Variants in RHO observed in about 807,000 individuals in gnomAD.
RHO encodes the protein opsin 2, rod pigment.
A neutral mutation model predicts 31.2 loss-of-function variants in RHO; 21 were observed. That is an observed-to-expected ratio of 0.67 (90% CI 0.48 to 0.97). The LOEUF (loss-of-function observed/expected upper bound fraction) is 0.97, where lower values mean the gene tolerates loss of function less well. Ranked by LOEUF, RHO falls within the 50% of genes least tolerant of loss-of-function variation. RHO has a pLI of 0.00. For synonymous variants in RHO, 211 were observed against 196.6 expected (o/e 1.07, Z -0.61); for missense variants, 414 against 479.5 (o/e 0.86, Z 1.28).
Position 129,532,666 on chromosome 3 carries a change from C to T in RHO, c.830C>T (p.Thr277Ile). 6.2e-7 allele frequency: 1 copy of T among 1,614,262 alleles called. No individual in the cohort carries two copies. The highest frequency in any genetic ancestry group is 8.5e-7 in the Non-Finnish European group (1 of 1,180,050). Residue 277 changes from threonine (T) to isoleucine (I), a missense_variant, in exon 4 of 5, where the codon ACC (threonine) becomes ATC (isoleucine). By Grantham distance (89) the Thr-to-Ile change is moderately conservative (BLOSUM62 -1). Transcript: ENST00000296271. This position sits in a 1 kb window ranked among gnomAD's most constrained non-coding sequence, Gnocchi z 5.5. The part of the protein sequence containing the change: ...PYASVAFYIF[T>I]HQGSNFGPIF... ...GCCAGCGTGGCATTCTACATCTTCA[C>T]CCACCAGGGCTCCAACTTCGGTCCC...
chr3:129,530,533 A>ACACACACACACACAC (rs1553781099), intron 1 of RHO, among the ~76,000 whole-genome samples: 21 of 122,918 alleles, frequency 1.7e-4, no homozygotes, highest in East Asian at 1.5e-3. Context: ...ACACACACAC[A>ACACACACACACACAC]ACACACACAC....
Position 129,533,621 on chromosome 3 carries a change from T to A in RHO, c.950T>A (p.Met317Lys), listed in dbSNP as rs778536018. 2 of 1,613,960 alleles carry A rather than the reference T, an allele frequency of 1.2e-6. No homozygotes were observed. Residue 317 changes from methionine to lysine, a missense_variant, in exon 5 of 5, where the codon ATG becomes AAG. Physicochemically the swap from Met to Lys is moderately conservative, Grantham distance 95. Transcript: ENST00000296271. The stretch of plus-strand genomic sequence containing the variant: ...CTTGCCTTCCAGTTCCGGAACTGCA[T>A]GCTCACCACCATCTGCTGCGGCAAG... ...IMMNKQFRNCMLTTICCGKNP... is the reference protein window; with the variant it reads ...IMMNKQFRNCKLTTICCGKNP...
At chr3:129,530,385 G>A (rs1186791085) in intron 1 of RHO, among the ~76,000 whole-genome samples, 2 of 151,886 alleles carry the variant, frequency 1.3e-5, no homozygotes, top group Non-Finnish European at 2.9e-5. Context: ...CCACATGTCC[G>A]GGTTATTTCA....
At position 129,532,759 on chromosome 3, in the gene RHO, T is replaced by C; in HGVS notation, c.923T>C (p.Met308Thr). 6.2e-7 allele frequency: 1 copy of C among 1,614,196 alleles called. No homozygotes were observed. The highest frequency in any genetic ancestry group is 8.5e-7 in the Non-Finnish European group (1 of 1,180,042). The change falls in exon 4 of 5, where the codon ATG (methionine) becomes ACG (threonine). Residue 308 changes from methionine (M) to threonine (T), a missense_variant. By Grantham distance (81) the Met-to-Thr change is moderately conservative (BLOSUM62 -1). Transcript: ENST00000296271. This position sits in a 1 kb window ranked among gnomAD's most constrained non-coding sequence, Gnocchi z 5.5. ...AAIYNPVIYI[M>T]MNKQFRNCML... The stretch of plus-strand genomic sequence containing the variant: ...ATCTACAACCCTGTCATCTATATCA[T>C]GATGAACAAGCAGGTGCCTACTGCG...
At chr3:129,533,500 T>C (rs2084799412) in intron 4 of RHO, 108 bp from the exon 5 acceptor site, 2 of 856,678 alleles carry the variant, frequency 2.3e-6, no homozygotes, top group Non-Finnish European at 4.0e-6. Flanking sequence ...GGCGCTGGAA[T>C]CGTGAGGGGC....
intron 1 of RHO, among the ~76,000 whole-genome samples, chr3:129,529,954 G>A (rs1184673598): frequency 1.3e-5 from 2 of 152,148 alleles, no homozygotes; most frequent in Non-Finnish European, 1.5e-5. Context: ...AGGAGGAGAC[G>A]CTAGAAGCAG....
At chr3:129,529,135 G>T in intron 1 of RHO, 41 bp downstream of exon 1, 1 of 1,593,768 alleles carries the variant, frequency 6.3e-7, no homozygotes, top group Non-Finnish European at 8.5e-7. Context: ...GAGCCCGGGA[G>T]CATGGAGGGG....
At chr3:129,531,103 C>T (rs2084776811) in intron 2 of RHO, 59 bp downstream of exon 2, 1 of 1,589,658 alleles carries the variant, frequency 6.3e-7, no homozygotes, top group Admixed American at 1.7e-5. Flanking sequence ...GTCCTCCAGT[C>T]AGGACTCAAA....
In RHO at chr3:129,533,697, G is replaced by C. The variant is rs1200695176; in HGVS notation, c.1026G>C (p.Thr342=). 4.3e-6 allele frequency: 7 copies of C among 1,613,868 alleles called. No homozygotes were observed. Among genetic ancestry groups the C allele is most frequent in the East Asian group, 2.2e-5 (1 of 44,880 alleles). Residue 342 remains threonine, a synonymous_variant, in exon 5 of 5, where the codon ACG becomes ACC. Coordinates refer to ENST00000296271, the MANE Select transcript of RHO (RefSeq NM_000539.3). ...EASATVSKTE[T]SQVAPA The stretch of plus-strand genomic sequence containing the variant: ...CTGCTACCGTGTCCAAGACGGAGAC[G>C]AGCCAGGTGGCCCCGGCCTAAGACC...
chr3:129,532,391 G>A lies in RHO; in HGVS notation c.671G>A (p.Gly224Glu), dbSNP rs764633076. 5.6e-6 allele frequency: 9 copies of A among 1,613,844 alleles called. No individual in the cohort carries two copies. The East Asian group carries it at 1.1e-4, about 20-fold the overall frequency. Residue 224 changes from glycine to glutamate, a missense_variant, in exon 3 of 5, where the codon GGG (glycine) becomes GAG (glutamate). Physicochemically the swap from Gly to Glu is moderately conservative, Grantham distance 98. Coordinates refer to ENST00000296271, the MANE Select transcript of RHO (RefSeq NM_000539.3). The surrounding 1 kb of genome is among the most constrained non-coding windows in gnomAD (Gnocchi z 5.5). ...IPMIIIFFCY[G>E]QLVFTVKEAA... ...ATGATTATCATCTTTTTCTGCTATG[G>A]GCAGCTCGTCTTCACCGTCAAGGAG...
In RHO at chr3:129,534,543, C is replaced by T. The variant is rs1360610364; in HGVS notation, c.*825C>T. The stretch of plus-strand genomic sequence containing the variant: ...CCAGGGCTGGGGGTTGGGCTGTAGG[C>T]AGGGACAGTCACAGGAATGCAGAAT... On this transcript the variant is annotated 3_prime_UTR_variant, in exon 5 of 5. Transcript: ENST00000296271. 2 of 152,220 alleles carry T rather than the reference C, an allele frequency of 1.3e-5. No homozygotes were observed. The highest frequency in any genetic ancestry group is 2.9e-5 in the Non-Finnish European group (2 of 68,064). 9.4% of individuals were successfully genotyped at this position (152,220 alleles called of 1,614,324 possible). A position where few individuals can be genotyped will look rare whatever the true frequency, so the allele number is the denominator to read the frequency against.
chr3:129,530,535 C>CA lies in RHO; in HGVS notation c.362-340dup, dbSNP rs1396884956. Among the ~76,000 whole-genome samples the CA allele has an allele frequency of 2.1e-3, 266 of 128,490 alleles. 2 individuals are homozygous for CA. The highest frequency in any genetic ancestry group is 6.3e-3 in the African/African-American group (194 of 30,674). 84.3% of individuals were successfully genotyped at this position (128,490 alleles called of 152,430 possible). On this transcript the variant is annotated intron_variant, in intron 1 of 4. Transcript: ENST00000296271. The stretch of plus-strand genomic sequence containing the variant: ...CACACACACACACACACACACACAA[C>CA]ACACACACACACACACACACACACA...
Position 129,533,662 on chromosome 3 carries a change from G to C in RHO, c.991G>C (p.Asp331His), listed in dbSNP as rs200095648. 1.2e-5 allele frequency: 19 copies of C among 1,613,956 alleles called. No homozygotes were observed. In the South Asian group the frequency reaches 1.9e-4, roughly 16 times the overall value. The change falls in exon 5 of 5, where the codon GAT becomes CAT. Residue 331 changes from aspartate (D) to histidine (H), a missense_variant. Transcript: ENST00000296271. ...ICCGKNPLGD[D>H]EASATVSKTE... ...CTGCGGCAAGAACCCACTGGGTGAC[G>C]ATGAGGCCTCTGCTACCGTGTCCAA...
Position 129,528,943 on chromosome 3 carries a change from G to A in RHO, c.210G>A (p.Thr70=), listed in dbSNP as rs755350955. Residue 70 remains threonine, a synonymous_variant, in exon 1 of 5, where the codon ACG becomes ACA. Transcript: ENST00000296271. ...YVTVQHKKLR[T]PLNYILLNLA... is the part of the protein sequence containing the mutation. ...CCGTCCAGCACAAGAAGCTGCGCAC[G>A]CCTCTCAACTACATCCTGCTCAACC... is the stretch of plus-strand genomic sequence containing the variant. 2.5e-6 allele frequency: 4 copies of A among 1,614,160 alleles called. No homozygotes were observed. The highest frequency in any genetic ancestry group is 2.5e-6 in the Non-Finnish European group (3 of 1,180,032).
Position 129,532,233 on chromosome 3 carries a change from C to T in RHO, c.531-18C>T, listed in dbSNP as rs2084785337. 6.2e-7 allele frequency: 1 copy of T among 1,610,918 alleles called. No individual in the cohort carries two copies. The highest frequency in any genetic ancestry group is 1.3e-5 in the African/African-American group (1 of 74,946). On this transcript the variant is annotated intron_variant, in intron 2 of 4. Transcript: ENST00000296271. This position sits in a 1 kb window ranked among gnomAD's most constrained non-coding sequence, Gnocchi z 5.5. ...CAAGTCCCTCACAGGCAGGGTCTCC[C>T]TACCTGCCTGTCCTCAGGTACATCC...
In RHO at chr3:129,532,816, G is replaced by T. The variant is rs372010849; in HGVS notation, c.936+44G>T. On this transcript the variant is annotated intron_variant, in intron 4 of 4. Coordinates refer to ENST00000296271, the MANE Select transcript of RHO (RefSeq NM_000539.3). This position sits in a 1 kb window ranked among gnomAD's most constrained non-coding sequence, Gnocchi z 5.5. ...AGGGCCCCAGTGCCCCAGGCCACAG[G>T]CGCTGCCTGCCAAGGACAAGCTACT... 2.9e-5 allele frequency: 46 copies of T among 1,611,496 alleles called. No homozygotes were observed. In the African/African-American group the frequency reaches 5.7e-4, roughly 20 times the overall value.
chr3:129,533,922 C>T lies in RHO; in HGVS notation c.*204C>T. On this transcript the variant is annotated 3_prime_UTR_variant, in exon 5 of 5. Coordinates refer to ENST00000296271, the MANE Select transcript of RHO (RefSeq NM_000539.3). ...GCCTGAGAAGGGACATCCACCAAGA[C>T]CTACTGATCTGGAGTCCCACGTTCC... 1 of 545,396 alleles carries T rather than the reference C, an allele frequency of 1.8e-6. No individual in the cohort carries two copies. The highest frequency in any genetic ancestry group is 3.3e-6 in the Non-Finnish European group (1 of 303,912). The allele number at this position is 545,396 out of a possible 1,614,324, so 33.8% of individuals were successfully genotyped here.
At position 129,532,557 on chromosome 3, in the gene RHO, G is replaced by T. The variant is rs2084788760; in HGVS notation, c.721G>T (p.Ala241Ser). The T allele has an allele frequency of 1.2e-6, 2 of 1,614,018 alleles. No individual in the cohort carries two copies. Among genetic ancestry groups the T allele is most frequent in the African/African-American group, 2.7e-5 (2 of 74,914 alleles). ...GGCCGCTGCCCAGCAGCAGGAGTCAGCCACCACACAGAAGGCAGAGAAGGA... is the reference window on the plus strand; with the variant it reads ...GGCCGCTGCCCAGCAGCAGGAGTCATCCACCACACAGAAGGCAGAGAAGGA... The part of the protein sequence containing the change: ...KEAAAQQQES[A>S]TTQKAEKEVT... The change falls in exon 4 of 5, where the codon GCC becomes TCC. Residue 241 changes from alanine (A) to serine (S), a missense_variant. Ala to Ser is a moderately conservative substitution (Grantham distance 99). Coordinates refer to ENST00000296271, the MANE Select transcript of RHO (RefSeq NM_000539.3). This position sits in a 1 kb window ranked among gnomAD's most constrained non-coding sequence, Gnocchi z 5.5.
rs2084793898 is a variant in RHO at position 129,532,804 on chromosome 3, C to T, written c.936+32C>T. The T allele has an allele frequency of 5.6e-6, 9 of 1,612,794 alleles. No homozygotes were observed. Among genetic ancestry groups the T allele is most frequent in the Non-Finnish European group, 7.6e-6 (9 of 1,180,026 alleles). ...ACTGCGGGTGGGAGGGCCCCAGTGC[C>T]CCAGGCCACAGGCGCTGCCTGCCAA... On this transcript the variant is annotated intron_variant, in intron 4 of 4. Transcript: ENST00000296271. This position sits in a 1 kb window ranked among gnomAD's most constrained non-coding sequence, Gnocchi z 5.5.
Sources: gnomAD v4.1 joint callset for allele counts (sites outside exome capture counted in the v4.1 genomes callset) on GRCh38, gnomAD v4.1.1 for gene constraint, Gnocchi (gnomAD v3.1) non-coding constraint, MANE v1.5 for transcripts, NCBI Gene and HGNC (gene_info 2026-07-23, HGNC 2026-07-21) for gene names.